Variants in RTL4 observed in about 807,000 individuals in gnomAD.
RTL4 encodes the protein retrotransposon Gag-like protein 4.
A neutral mutation model predicts 5.3 loss-of-function variants in RTL4; 4 were observed. The ratio of observed to expected loss-of-function variants is 0.75; its 90% CI spans 0.37 to 1.72. The LOEUF (loss-of-function observed/expected upper bound fraction) is 1.72. RTL4 is among the 40% of genes most tolerant of loss of function. The pLI is 0.04. For missense variants in RTL4, 260 were observed against 227.1 expected (o/e 1.14, Z -0.93); for synonymous variants, 98 against 87.3 (o/e 1.12, Z -0.68).
chrX:112,178,216 T>G, the RTL4 span, among the ~76,000 whole-genome samples: 2 of 111,387 alleles, frequency 1.8e-5, no homozygotes, highest in African/African-American at 6.5e-5. Flanking sequence ...TACCATACAG[T>G]GCAGATTAAC....
At chrX:112,444,102 T>A in the RTL4 span, among the ~76,000 whole-genome samples, 1 of 111,985 alleles carries the variant, frequency 8.9e-6, no homozygotes, top group African/African-American at 3.2e-5. Context: ...TTAATCCATT[T>A]TTATTTAATT....
the RTL4 span, among the ~76,000 whole-genome samples, chrX:112,120,523 A>G: frequency 0.17 from 17,837 of 105,398 alleles, 2,438 homozygotes; most frequent in African/African-American, 0.45. Context: ...TGATCTGCCC[A>G]CCTTGGCCTC....
the RTL4 span, among the ~76,000 whole-genome samples, chrX:112,297,852 A>G: frequency 8.9e-5 from 10 of 111,804 alleles, no homozygotes; most frequent in African/African-American, 1.3e-4. Flanking sequence ...GAACACTCCT[A>G]TTGGGTCAGT....
chrX:112,390,001 A>C, the RTL4 span, among the ~76,000 whole-genome samples: 2 of 97,453 alleles, frequency 2.1e-5, no homozygotes, highest in African/African-American at 7.6e-5. Context: ...TCAGTGAAGT[A>C]TTGAAGTCTC....
chrX:112,130,633 C>A, the RTL4 span, among the ~76,000 whole-genome samples: 17 of 110,885 alleles, frequency 1.5e-4, no homozygotes, highest in African/African-American at 4.9e-4. Flanking sequence ...AAAAATATTT[C>A]TGTCAAACTA....
At chrX:112,188,324 G>A in the RTL4 span, among the ~76,000 whole-genome samples, 1 of 111,292 alleles carries the variant, frequency 9.0e-6, no homozygotes, top group African/African-American at 3.3e-5. Context: ...TGTCTTGAAT[G>A]TGGCATTGCC....
chrX:112,207,258 C>T, the RTL4 span, among the ~76,000 whole-genome samples: 1 of 111,617 alleles, frequency 9.0e-6, no homozygotes, highest in Non-Finnish European at 1.9e-5. Flanking sequence ...TGCACTGGCT[C>T]ACTGAGTTCC....
At chrX:112,383,663 T>C in the RTL4 span, among the ~76,000 whole-genome samples, 3 of 111,829 alleles carry the variant, frequency 2.7e-5, no homozygotes, top group Non-Finnish European at 5.7e-5. Context: ...TACACAGCCA[T>C]AAAAAAGAGT....
the RTL4 span, among the ~76,000 whole-genome samples, chrX:112,201,960 AG>A: frequency 1.1e-5 from 1 of 87,115 alleles, no homozygotes; most frequent in Non-Finnish European, 2.3e-5. Flanking sequence ...TGGACTCAGT[AG>A]TTTGTGTGTG....
the RTL4 span, among the ~76,000 whole-genome samples, chrX:112,115,511 C>T: frequency 9.0e-6 from 1 of 111,452 alleles, no homozygotes; most frequent in Non-Finnish European, 1.9e-5. Flanking sequence ...ACCTTTTGTC[C>T]TCACTTCTCA....
chrX:112,140,988 A>G, the RTL4 span, among the ~76,000 whole-genome samples: 505 of 111,543 alleles, frequency 4.5e-3, 4 homozygotes, highest in African/African-American at 0.016. Flanking sequence ...TTGTGATTGC[A>G]TTGATTTTAT....
chrX:112,240,535 CAT>C, the RTL4 span, among the ~76,000 whole-genome samples: 1 of 111,596 alleles, frequency 9.0e-6, no homozygotes, highest in African/African-American at 3.3e-5. Context: ...TTAAACATCT[CAT>C]GTGATATATT....
chrX:112,128,386 C>T, the RTL4 span, among the ~76,000 whole-genome samples: 165 of 111,475 alleles, frequency 1.5e-3, no homozygotes, highest in Non-Finnish European at 2.3e-3. Flanking sequence ...ACTTGGGGCC[C>T]GGCGCGGTGG....
the RTL4 span, among the ~76,000 whole-genome samples, chrX:112,359,707 A>C: frequency 4.5e-5 from 5 of 111,077 alleles, no homozygotes; most frequent in African/African-American, 1.3e-4. Flanking sequence ...TGCTTCTGAT[A>C]ATTCTCTCTT....
At chrX:112,209,364 C>T in the RTL4 span, among the ~76,000 whole-genome samples, 1 of 111,979 alleles carries the variant, frequency 8.9e-6, no homozygotes, top group African/African-American at 3.2e-5. Context: ...ATGCAAAGTG[C>T]AAAACAAGGT....
chrX:112,427,961 T>G, the RTL4 span, among the ~76,000 whole-genome samples: 2 of 107,183 alleles, frequency 1.9e-5, no homozygotes, highest in African/African-American at 6.7e-5. Flanking sequence ...GTCCATTATA[T>G]TATTCTCACA....
the RTL4 span, among the ~76,000 whole-genome samples, chrX:112,371,468 G>C: frequency 9.0e-6 from 1 of 111,164 alleles, no homozygotes; most frequent in African/African-American, 3.3e-5. Flanking sequence ...GCATTTACTG[G>C]TGACCCAATA....
the RTL4 span, among the ~76,000 whole-genome samples, chrX:112,380,746 C>T: frequency 8.9e-6 from 1 of 112,120 alleles, no homozygotes; most frequent in African/African-American, 3.2e-5. Flanking sequence ...ATCTTCTTAG[C>T]GTCGGGCAGG....
At chrX:112,149,727 G>C in the RTL4 span, among the ~76,000 whole-genome samples, 1 of 112,300 alleles carries the variant, frequency 8.9e-6, no homozygotes, top group East Asian at 2.8e-4. Flanking sequence ...ACTGGTATAA[G>C]GTGCAATGAA....
Sources: gnomAD v4.1 joint callset for allele counts (sites outside exome capture counted in the v4.1 genomes callset) on GRCh38, gnomAD v4.1.1 for gene constraint, MANE v1.5 for transcripts, NCBI Gene and HGNC (gene_info 2026-07-23, HGNC 2026-07-21) for gene names.